DIAPH2: variants seen among roughly 807,000 people sequenced by gnomAD.
DIAPH2 encodes the protein diaphanous related formin 2.
DIAPH2 carries 35 observed loss-of-function variants against 92.7 expected under a neutral mutation model. The ratio of observed to expected loss-of-function variants is 0.38; its 90% CI spans 0.29 to 0.50. DIAPH2 has a LOEUF of 0.50. Among genes scored for constraint, DIAPH2 ranks in the 20% least tolerant of loss-of-function variants. The probability of loss-of-function intolerance (pLI) is 0.94; values close to 1 mark genes in which losing one functional copy is unlikely to be tolerated. For synonymous variants in DIAPH2, 301 were observed against 280.4 expected, an observed-to-expected ratio of 1.07 and a Z score of -0.73; for missense variants, 701 against 819.5, an observed-to-expected ratio of 0.86 and a Z score of 1.77.
intron 4 of DIAPH2, among the ~76,000 whole-genome samples, chrX:96,871,081 C>T (rs953795455): frequency 1.8e-5 from 2 of 112,000 alleles, no homozygotes; most frequent in Admixed American, 9.5e-5. Context: ...ATTGCCTATG[C>T]GAAATACATT....
At chrX:97,191,461 A>G (rs2067653222) in intron 22 of DIAPH2, among the ~76,000 whole-genome samples, 1 of 111,947 alleles carries the variant, frequency 8.9e-6, no homozygotes, top group Non-Finnish European at 1.9e-5. Flanking sequence ...CTCTAGTGGG[A>G]TAGATACTGA....
In DIAPH2 at chrX:96,709,732, G is replaced by A. The variant is rs761036638; in HGVS notation, c.132+24542G>A. On this transcript the variant is annotated intron_variant, in intron 1 of 26. Coordinates refer to ENST00000324765, the MANE Select transcript of DIAPH2 (RefSeq NM_006729.5). Reference sequence around the variant, plus strand: ...GTATAATACTTTACAGTAAAAGCTCGTTTTCCATGCTATGAAATGACGTTC... The same window carrying A: ...GTATAATACTTTACAGTAAAAGCTCATTTTCCATGCTATGAAATGACGTTC... Among the ~76,000 whole-genome samples, 9 of 111,902 alleles carry A rather than the reference G, an allele frequency of 8.0e-5. No homozygotes were observed. The East Asian group carries it at 1.1e-3, about 14-fold the overall frequency.
At chrX:97,474,621 C>T (rs2070589526) in intron 26 of DIAPH2, among the ~76,000 whole-genome samples, 2 of 110,474 alleles carry the variant, frequency 1.8e-5, no homozygotes, top group African/African-American at 6.6e-5. Context: ...AAAACATTAG[C>T]CGGGTGTGGT....
At chrX:97,546,505 A>G (rs1401451679) in intron 26 of DIAPH2, among the ~76,000 whole-genome samples, 1 of 111,285 alleles carries the variant, frequency 9.0e-6, no homozygotes, top group Admixed American at 9.6e-5. Context: ...GACGCTGCCA[A>G]TAGAAGTTGT....
intron 1 of DIAPH2, among the ~76,000 whole-genome samples, chrX:96,731,445 G>T (rs1482157437): frequency 9.0e-6 from 1 of 111,208 alleles, no homozygotes; most frequent in Non-Finnish European, 1.9e-5. Flanking sequence ...TTGAGTTGGT[G>T]GTGAGACTTT....
intron 24 of DIAPH2, among the ~76,000 whole-genome samples, chrX:97,352,110 T>C (rs1359902825): frequency 9.0e-6 from 1 of 111,014 alleles, no homozygotes; most frequent in Non-Finnish European, 1.9e-5. Context: ...AAAAGCATAT[T>C]GGACTATAGA....
At chrX:96,690,198 C>G (rs1158517067) in intron 1 of DIAPH2, among the ~76,000 whole-genome samples, 1 of 110,896 alleles carries the variant, frequency 9.0e-6, no homozygotes, top group Non-Finnish European at 1.9e-5. Flanking sequence ...ACATTTTACT[C>G]TTATTAGCAG....
intron 4 of DIAPH2, chrX:96,793,679 A>T (rs572263856): frequency 2.7e-6 from 1 of 366,703 alleles, no homozygotes; most frequent in Non-Finnish European, 5.3e-6. Flanking sequence ...TGCTAATCCT[A>T]TCTGGGGTTT....
At chrX:97,187,021 C>G (rs1441157036) in intron 22 of DIAPH2, among the ~76,000 whole-genome samples, 1 of 111,813 alleles carries the variant, frequency 8.9e-6, no homozygotes, top group East Asian at 2.8e-4. Context: ...AATGCCTTTT[C>G]TCAAGTTGAT....
At chrX:97,493,911 A>G (rs771374477) in intron 26 of DIAPH2, among the ~76,000 whole-genome samples, 261 of 105,384 alleles carry the variant, frequency 2.5e-3, no homozygotes, top group African/African-American at 8.3e-3. Flanking sequence ...AGGCAACTCA[A>G]ACAACAACAA....
intron 23 of DIAPH2, among the ~76,000 whole-genome samples, chrX:97,317,423 CTTTCT>C (rs1460574460): frequency 1.8e-5 from 2 of 111,998 alleles, no homozygotes; most frequent in Non-Finnish European, 3.8e-5. Flanking sequence ...CATCATTTTC[CTTTCT>C]TTTAAGTGAT....
chrX:96,698,392 G>A (rs1313179405), intron 1 of DIAPH2, among the ~76,000 whole-genome samples: 2 of 111,773 alleles, frequency 1.8e-5, no homozygotes, highest in Non-Finnish European at 1.9e-5. Context: ...TGCTTCCTGC[G>A]TGTGCTTTGC....
intron 4 of DIAPH2, among the ~76,000 whole-genome samples, chrX:96,836,717 A>ATTTTTTTTTT (rs1172979194): frequency 5.3e-5 from 1 of 18,903 alleles, no homozygotes. Flanking sequence ...ATATATATAT[A>ATTTTTTTTTT]TTTTTTTTTT....
chrX:96,699,364 T>G (rs754407996), intron 1 of DIAPH2, among the ~76,000 whole-genome samples: 1 of 111,716 alleles, frequency 9.0e-6, no homozygotes, highest in Admixed American at 9.5e-5. Flanking sequence ...AAAAACTGTG[T>G]TGTTCTTTTT....
intron 4 of DIAPH2, among the ~76,000 whole-genome samples, chrX:96,796,447 T>C (rs1000144608): frequency 1.8e-5 from 2 of 112,500 alleles, no homozygotes; most frequent in Non-Finnish European, 3.8e-5. Flanking sequence ...CCCAAAGTGC[T>C]GGGATTACAG....
chrX:97,269,144 C>G (rs1268677181), intron 23 of DIAPH2, among the ~76,000 whole-genome samples: 1 of 111,910 alleles, frequency 8.9e-6, no homozygotes, highest in East Asian at 2.8e-4. Flanking sequence ...CGTGAGCCAC[C>G]GTGCCCGGCC....
At chrX:97,445,700 G>A (rs1252855840) in intron 26 of DIAPH2, among the ~76,000 whole-genome samples, 5 of 108,445 alleles carry the variant, frequency 4.6e-5, no homozygotes, top group African/African-American at 1.3e-4. Context: ...TGCCCGCCTC[G>A]GCCTCCCAAA....
chrX:97,594,857 C>G (rs1268845163), intron 26 of DIAPH2, among the ~76,000 whole-genome samples: 1 of 111,870 alleles, frequency 8.9e-6, no homozygotes, highest in African/African-American at 3.2e-5. Context: ...TATGAAGCAC[C>G]ATAGGGAAAG....
chrX:96,999,575 T>TCATG (rs1276155647), intron 17 of DIAPH2, among the ~76,000 whole-genome samples: 1 of 110,087 alleles, frequency 9.1e-6, no homozygotes, highest in Non-Finnish European at 1.9e-5. Flanking sequence ...TACTTGTACT[T>TCATG]CATGGCTTAA....
Sources: allele counts gnomAD v4.1 joint callset (sites outside exome capture counted in the v4.1 genomes callset), GRCh38; gene constraint gnomAD v4.1.1; transcripts MANE v1.5; gene names NCBI Gene and HGNC (gene_info 2026-07-23, HGNC 2026-07-21).